The following CMIP variants were observed in gnomAD, a reference collection of about 807,000 sequenced individuals.
CMIP encodes the protein c-Maf inducing protein.
In CMIP, 13 loss-of-function variants were observed where a neutral mutation model predicts 97.3. The observed-to-expected ratio is 0.13, with a 90% confidence interval of 0.09 to 0.21. CMIP has a LOEUF of 0.21. Among genes scored for constraint, CMIP ranks in the 10% least tolerant of loss-of-function variants. The pLI is 1.00. For missense variants in CMIP, 847 were observed against 1,024.9 expected (o/e 0.83, Z 2.37); for synonymous variants, 538 against 436.3 (o/e 1.23, Z -2.91).
At chr16:81,451,202 G>C (rs904042676) in intron 1 of CMIP, among the ~76,000 whole-genome samples, 4 of 152,144 alleles carry the variant, frequency 2.6e-5, no homozygotes, top group African/African-American at 9.7e-5. Flanking sequence ...GGAGATAATT[G>C]ACTCATGGGG....
intron 7 of CMIP, among the ~76,000 whole-genome samples, chr16:81,668,313 C>T (rs1158647474): frequency 6.6e-6 from 1 of 152,172 alleles, no homozygotes; most frequent in Non-Finnish European, 1.5e-5. Flanking sequence ...AGTCCCAGCA[C>T]CTCCGCAGCC....
At chr16:81,603,667 C>T (rs2091694986) in intron 1 of CMIP, among the ~76,000 whole-genome samples, 1 of 152,150 alleles carries the variant, frequency 6.6e-6, no homozygotes, top group Non-Finnish European at 1.5e-5. Context: ...CCAAAACTTC[C>T]CTTGGCTGGG....
chr16:81,531,805 AG>A (rs1335291288), intron 1 of CMIP, among the ~76,000 whole-genome samples: 2 of 152,266 alleles, frequency 1.3e-5, no homozygotes, highest in Non-Finnish European at 2.9e-5. Context: ...AGGGGGAAAC[AG>A]AAGATGATTG....
At chr16:81,573,603 T>C (rs777572534) in intron 1 of CMIP, among the ~76,000 whole-genome samples, 1 of 152,118 alleles carries the variant, frequency 6.6e-6, no homozygotes, top group East Asian at 1.9e-4. Flanking sequence ...CTGTTACTTG[T>C]TGAAAATCGC....
At chr16:81,505,950 G>T (rs920587724) in intron 1 of CMIP, among the ~76,000 whole-genome samples, 1 of 152,240 alleles carries the variant, frequency 6.6e-6, no homozygotes, top group Admixed American at 6.5e-5. Context: ...AGCCTAGATT[G>T]TGCCATTGCA....
intron 1 of CMIP, among the ~76,000 whole-genome samples, chr16:81,554,101 A>G (rs2090714567): frequency 6.6e-6 from 1 of 152,238 alleles, no homozygotes; most frequent in Non-Finnish European, 1.5e-5. Flanking sequence ...TAATTATTAA[A>G]TAATCATTAA....
chr16:81,678,349 C>G lies in CMIP; in HGVS notation c.1109C>G (p.Pro370Arg), dbSNP rs768007969. ...QQPCDRKPTLPLRLLHPSPDL... is the reference protein window; with the variant it reads ...QQPCDRKPTLRLRLLHPSPDL... ...CCGTGCGACCGGAAGCCCACTTTAC[C>G]TCTGCGCCTTCTGCACCCCAGCCCG... Residue 370 changes from proline to arginine, a missense_variant, in exon 10 of 21, where the codon CCT becomes CGT. This residue lies in a region of CMIP where 202 missense variants were observed against 168.7 expected (regional missense o/e 1.20). Transcript: ENST00000537098. 5 of 1,613,250 alleles carry G rather than the reference C, an allele frequency of 3.1e-6. No individual in the cohort carries two copies. The South Asian group carries it at 4.4e-5, about 14-fold the overall frequency.
intron 10 of CMIP, among the ~76,000 whole-genome samples, chr16:81,691,226 T>C (rs1181659674): frequency 5.9e-5 from 9 of 152,134 alleles, no homozygotes; most frequent in Non-Finnish European, 1.3e-4. Context: ...GCAGGGCTGG[T>C]TTCTCTGGAG....
chr16:81,687,884 G>T (rs1336460760), intron 10 of CMIP, among the ~76,000 whole-genome samples: 1 of 152,234 alleles, frequency 6.6e-6, no homozygotes, highest in Non-Finnish European at 1.5e-5. Flanking sequence ...TGGCCTGGCT[G>T]TATCACAGCC....
chr16:81,535,963 C>A (rs953502469), intron 1 of CMIP, among the ~76,000 whole-genome samples: 1 of 152,134 alleles, frequency 6.6e-6, no homozygotes, highest in Admixed American at 6.6e-5. Flanking sequence ...CAGAGAGAGT[C>A]GTGTCACCTG....
intron 3 of CMIP, chr16:81,622,058 CCTACTGTGTGCCA>C (rs2092000036): frequency 6.6e-6 from 1 of 152,168 alleles, no homozygotes; most frequent in Non-Finnish European, 1.5e-5. Flanking sequence ...GTTTTGAGCT[CCTACTGTGTGCCA>C]GGAGCTCTGC....
At chr16:81,670,033 A>T in intron 7 of CMIP, 109 bp from the exon 8 acceptor site, 1 of 1,036,000 alleles carries the variant, frequency 9.7e-7, no homozygotes, top group East Asian at 2.7e-5. Context: ...TTCCACATCA[A>T]CAGCTCCAGG....
chr16:81,557,456 G>C (rs551264982), intron 1 of CMIP, among the ~76,000 whole-genome samples: 1 of 152,168 alleles, frequency 6.6e-6, no homozygotes, highest in South Asian at 2.1e-4. Flanking sequence ...AACAATAGTT[G>C]TATGTATTAC....
chr16:81,481,767 G>A (rs1427880445), intron 1 of CMIP, among the ~76,000 whole-genome samples: 1 of 152,060 alleles, frequency 6.6e-6, no homozygotes, highest in Non-Finnish European at 1.5e-5. Context: ...GGAAGGGTCT[G>A]TTGCCTTTTC....
intron 1 of CMIP, among the ~76,000 whole-genome samples, chr16:81,471,969 C>G (rs1387259652): frequency 1.3e-5 from 2 of 152,208 alleles, no homozygotes; most frequent in Non-Finnish European, 2.9e-5. Context: ...CTATGGGTCA[C>G]TGACACTGCA....
At chr16:81,484,114 G>A (rs576170422) in intron 1 of CMIP, among the ~76,000 whole-genome samples, 2 of 152,290 alleles carry the variant, frequency 1.3e-5, no homozygotes, top group East Asian at 1.9e-4. Context: ...CCAAGTCACC[G>A]AGATAGTTTC....
At chr16:81,608,934 T>A (rs2091786380) in intron 2 of CMIP, among the ~76,000 whole-genome samples, 1 of 152,224 alleles carries the variant, frequency 6.6e-6, no homozygotes, top group East Asian at 1.9e-4. Context: ...ATTTTAGATC[T>A]AGCAGCCACT....
chr16:81,688,870 C>G (rs1905730176), intron 10 of CMIP, among the ~76,000 whole-genome samples: 1 of 152,222 alleles, frequency 6.6e-6, no homozygotes, highest in African/African-American at 2.4e-5. Flanking sequence ...CAAGTGTTCT[C>G]ATTTTTCAGT....
intron 10 of CMIP, among the ~76,000 whole-genome samples, chr16:81,691,162 CA>C (rs1906020208): frequency 6.6e-6 from 1 of 152,176 alleles, no homozygotes; most frequent in Non-Finnish European, 1.5e-5. Context: ...GCTTACTCAA[CA>C]AACATGTATT....
Sources: allele counts gnomAD v4.1 joint callset (sites outside exome capture counted in the v4.1 genomes callset), GRCh38; gene constraint gnomAD v4.1.1; regional missense constraint gnomAD v4.1.1; transcripts MANE v1.5; gene names NCBI Gene and HGNC (gene_info 2026-07-23, HGNC 2026-07-21).